CRYBG3: variants seen among roughly 807,000 people sequenced by gnomAD.
CRYBG3 encodes very large A-kinase anchor protein.
CRYBG3 carries 127 observed loss-of-function variants against 244.2 expected under a neutral mutation model. That is an observed-to-expected ratio of 0.52 (90% CI 0.45 to 0.60). The LOEUF (loss-of-function observed/expected upper bound fraction) is 0.60. Among genes scored for constraint, CRYBG3 ranks in the 20% least tolerant of loss-of-function variants. CRYBG3 has a pLI of 0.00. For synonymous variants in CRYBG3, 1,132 were observed against 1,195.8 expected (o/e 0.95, Z 1.10); for missense variants, 3,325 against 3,442.5 (o/e 0.97, Z 0.85).
intron 2 of CRYBG3, among the ~76,000 whole-genome samples, chr3:97,851,231 A>T (rs964996810): frequency 1.3e-5 from 2 of 152,210 alleles, no homozygotes; most frequent in Admixed American, 1.3e-4. Flanking sequence ...TGTGAATTTC[A>T]AGTATTGGTG....
chr3:97,828,208 G>A (rs1476931266), intron 1 of CRYBG3, among the ~76,000 whole-genome samples: 1 of 152,160 alleles, frequency 6.6e-6, no homozygotes, highest in Non-Finnish European at 1.5e-5. Context: ...ACTAGTGGGA[G>A]TATAAATTGA....
Position 97,864,492 on chromosome 3 carries a change from A to C in CRYBG3, c.492A>C (p.Glu164Asp). The C allele has an allele frequency of 6.5e-7, 1 of 1,536,002 alleles. No individual in the cohort carries two copies. Among genetic ancestry groups the C allele is most frequent in the South Asian group, 1.2e-5 (1 of 84,056 alleles). The change falls in exon 3 of 22, where the codon GAA (glutamate) becomes GAC (aspartate). Residue 164 changes from glutamate to aspartate, a missense_variant. By Grantham distance (45) the Glu-to-Asp change is conservative. Transcript: ENST00000389622. Reference protein sequence around the residue: ...KDLQNPSDHHEDGIKREREIF... With the variant: ...KDLQNPSDHHDDGIKREREIF... ...TACAAAATCCCAGTGACCATCATGA[A>C]GACGGGATCAAAAGGGAGAGAGAGA...
Position 97,942,217 on chromosome 3 carries a change from A to T in CRYBG3, c.8665-67A>T, listed in dbSNP as rs929139796. ...CTATGACTTGTTTACCTAAGATAAA[A>T]GGGACCTAATTCAACTTACTTTAGC... On this transcript the variant is annotated intron_variant, in intron 20 of 21. Coordinates refer to ENST00000389622, the MANE Select transcript of CRYBG3 (RefSeq NM_153605.4). 9 of 1,409,408 alleles carry T rather than the reference A, an allele frequency of 6.4e-6. No individual in the cohort carries two copies. The African/African-American group carries it at 1.3e-4, about 20-fold the overall frequency. The allele number at this position is 1,409,408 out of a possible 1,614,324, so 87.3% of individuals were successfully genotyped here.
chr3:97,854,042 T>G (rs2039027502), intron 2 of CRYBG3, among the ~76,000 whole-genome samples: 1 of 152,210 alleles, frequency 6.6e-6, no homozygotes, highest in Non-Finnish European at 1.5e-5. Context: ...CTTTGACATG[T>G]GGCTTGCCAG....
Position 97,839,079 on chromosome 3 carries a change from G to A in CRYBG3, c.150-4116G>A, listed in dbSNP as rs1349899828. Among the ~76,000 whole-genome samples, 3 of 152,246 alleles carry A rather than the reference G, an allele frequency of 2.0e-5. No individual in the cohort carries two copies. In the East Asian group the frequency reaches 5.8e-4, roughly 29 times the overall value. On this transcript the variant is annotated intron_variant, in intron 1 of 21. Coordinates refer to ENST00000389622, the MANE Select transcript of CRYBG3 (RefSeq NM_153605.4). ...AAGGTGGTTTTATTTGTGCGTACAT[G>A]TGATTTTGAATTCTGCTCTTCACCC...
At chr3:97,894,354 G>A (rs929066118) in intron 11 of CRYBG3, among the ~76,000 whole-genome samples, 3 of 136,890 alleles carry the variant, frequency 2.2e-5, no homozygotes, top group African/African-American at 7.5e-5. Context: ...ACTTTCATTT[G>A]TCTGTGACAT....
chr3:97,876,815 GAACAGGACT>G lies in CRYBG3; in HGVS notation c.5623_5631del (p.Thr1875_Leu1877del). The G allele has an allele frequency of 7.6e-7, 1 of 1,324,480 alleles. No individual in the cohort carries two copies. Among genetic ancestry groups the G allele is most frequent in the Non-Finnish European group, 9.6e-7 (1 of 1,040,756 alleles). The allele number at this position is 1,324,480 out of a possible 1,614,324, so 82.0% of individuals were successfully genotyped here. A position where few individuals can be genotyped will look rare whatever the true frequency, so the allele number is the denominator to read the frequency against. ...GTGGTAGACATTGAGAAAATACATGGAACAGGACTAGAATTGACCACTAAACAAGGGGAG... is the reference window on the plus strand; with the variant it reads ...GTGGTAGACATTGAGAAAATACATGGAGAATTGACCACTAAACAAGGGGAG... On this transcript the variant is annotated inframe_deletion, in exon 4 of 22. Coordinates refer to ENST00000389622, the MANE Select transcript of CRYBG3 (RefSeq NM_153605.4).
chr3:97,934,181 G>C (rs1304187412), intron 18 of CRYBG3, among the ~76,000 whole-genome samples: 1 of 152,080 alleles, frequency 6.6e-6, no homozygotes, highest in Non-Finnish European at 1.5e-5. Flanking sequence ...GTACTCACTT[G>C]CCTGTGGACT....
At chr3:97,832,062 A>T (rs1263839669) in intron 1 of CRYBG3, among the ~76,000 whole-genome samples, 2 of 152,058 alleles carry the variant, frequency 1.3e-5, no homozygotes, top group Non-Finnish European at 2.9e-5. Flanking sequence ...CCTCTCAATG[A>T]TGGCTATGAG....
chr3:97,942,084 AT>A, intron 20 of CRYBG3, 199 bp from the exon 21 acceptor site: 1 of 383,606 alleles, frequency 2.6e-6, no homozygotes, highest in Non-Finnish European at 4.6e-6. Flanking sequence ...CAGTTGGTTT[AT>A]TTCTGTACCA....
Position 97,822,215 on chromosome 3 carries a change from C to A in CRYBG3, c.9C>A (p.Ser3Arg), listed in dbSNP as rs771171972. 236 of 1,521,550 alleles carry A rather than the reference C, an allele frequency of 1.6e-4. No homozygotes were observed. The highest frequency in any genetic ancestry group is 2.2e-4 in the Admixed American group (11 of 49,790). 94.3% of individuals were successfully genotyped at this position (1,521,550 alleles called of 1,614,324 possible). A position where few individuals can be genotyped will look rare whatever the true frequency, so the allele number is the denominator to read the frequency against. The change falls in exon 1 of 22, where the codon AGC (serine) becomes AGA (arginine). Residue 3 changes from serine (S) to arginine (R), a missense_variant. By Grantham distance (110) the Ser-to-Arg change is moderately radical. This residue lies in a region of CRYBG3 where 1,526 missense variants were observed against 1,443.2 expected (regional missense o/e 1.06). Coordinates refer to ENST00000389622, the MANE Select transcript of CRYBG3 (RefSeq NM_153605.4). MS[S>R]GRRRGSAPWH... ...AGCGGCCCCCTCGGGAAATGTCCAGCGGCCGCAGAAGGGGCAGCGCCCCCT... is the reference window on the plus strand; with the variant it reads ...AGCGGCCCCCTCGGGAAATGTCCAGAGGCCGCAGAAGGGGCAGCGCCCCCT...
At position 97,872,000 on chromosome 3, in the gene CRYBG3, T is replaced by C. The variant is rs148792360; in HGVS notation, c.806T>C (p.Ile269Thr). ...TCTGACTCTAGTACAAACAGACACA[T>C]TGACCCTGGAAGTGAGATTGAGGCT... ...ESSDSSTNRH[I>T]DPGSEIEAGV... is the part of the protein sequence containing the mutation. The change falls in exon 4 of 22, where the codon ATT (isoleucine) becomes ACT (threonine). Residue 269 changes from isoleucine to threonine, a missense_variant. Coordinates refer to ENST00000389622, the MANE Select transcript of CRYBG3 (RefSeq NM_153605.4). 429 of 1,535,828 alleles carry C rather than the reference T, an allele frequency of 2.8e-4. 3 individuals carry two copies. The African/African-American group carries it at 5.2e-3, about 19-fold the overall frequency.
Position 97,874,199 on chromosome 3 carries a change from G to A in CRYBG3, c.3005G>A (p.Ser1002Asn), listed in dbSNP as rs2039342262. The A allele has an allele frequency of 3.9e-6, 6 of 1,532,088 alleles. No individual in the cohort carries two copies. Among genetic ancestry groups the A allele is most frequent in the African/African-American group, 1.4e-5 (1 of 72,724 alleles). 94.9% of individuals were successfully genotyped at this position (1,532,088 alleles called of 1,614,324 possible). ...TCCCCTAAATTCCAAGAAACTGGCA[G>A]CATGAAAGTAAATTCACCTTTTCTG... The part of the protein sequence containing the change: ...NISPKFQETG[S>N]MKVNSPFLDS... The change falls in exon 4 of 22, where the codon AGC becomes AAC. Residue 1002 changes from serine to asparagine, a missense_variant. Physicochemically the swap from Ser to Asn is conservative, Grantham distance 46. Around this residue, in one of 4 missense-constraint regions of CRYBG3, gnomAD observed 1,526 missense variants for 1,443.2 expected, o/e 1.06. Coordinates refer to ENST00000389622, the MANE Select transcript of CRYBG3 (RefSeq NM_153605.4).
At chr3:97,910,719 C>T (rs952773323) in intron 15 of CRYBG3, among the ~76,000 whole-genome samples, 98 of 152,338 alleles carry the variant, frequency 6.4e-4, no homozygotes, top group African/African-American at 5.1e-4. Flanking sequence ...GCGTCACTCA[C>T]GCTGGGAGCT....
At chr3:97,849,792 G>A (rs1019981050) in intron 2 of CRYBG3, among the ~76,000 whole-genome samples, 4 of 152,164 alleles carry the variant, frequency 2.6e-5, no homozygotes, top group African/African-American at 9.7e-5. Flanking sequence ...GAGAGTGAGC[G>A]CCAGAAAGCT....
At chr3:97,883,824 A>G (rs1173709160) in intron 7 of CRYBG3, among the ~76,000 whole-genome samples, 1 of 152,218 alleles carries the variant, frequency 6.6e-6, no homozygotes, top group Non-Finnish European at 1.5e-5. Flanking sequence ...AATTCTTCCT[A>G]TCGTTGCTTC....
intron 15 of CRYBG3, among the ~76,000 whole-genome samples, chr3:97,909,637 T>G (rs1377945624): frequency 6.6e-6 from 1 of 151,664 alleles, no homozygotes. Flanking sequence ...GTTATTCTAG[T>G]TATACATTCT....
intron 19 of CRYBG3, among the ~76,000 whole-genome samples, chr3:97,937,285 T>C (rs1234653552): frequency 6.6e-6 from 1 of 152,096 alleles, no homozygotes; most frequent in Non-Finnish European, 1.5e-5. Flanking sequence ...GGCAATTTAA[T>C]TAAAATAAGT....
chr3:97,866,694 G>T (rs1311282408), intron 3 of CRYBG3, among the ~76,000 whole-genome samples: 2 of 152,140 alleles, frequency 1.3e-5, no homozygotes, highest in Non-Finnish European at 2.9e-5. Flanking sequence ...CTTTGATTTT[G>T]ATTGGTTAGG....
Sources: gnomAD v4.1 joint callset for allele counts (sites outside exome capture counted in the v4.1 genomes callset) on GRCh38, gnomAD v4.1.1 for gene constraint, gnomAD v4.1.1 regional missense constraint, MANE v1.5 for transcripts, NCBI Gene and HGNC (gene_info 2026-07-23, HGNC 2026-07-21) for gene names.